CCDC200: variants seen among roughly 807,000 people sequenced by gnomAD.
CCDC200 encodes coiled-coil domain containing 200.
chr17:43,227,115 A>G (rs2057574554), intron 1 of CCDC200, among the ~76,000 whole-genome samples: 1 of 151,942 alleles, frequency 6.6e-6, no homozygotes, highest in Admixed American at 6.6e-5. Flanking sequence ...AGTAGCTGGG[A>G]TTACAGGTGC....
At chr17:43,225,115 C>T (rs1362121814) in intron 1 of CCDC200, among the ~76,000 whole-genome samples, 1 of 151,950 alleles carries the variant, frequency 6.6e-6, no homozygotes, top group Non-Finnish European at 1.5e-5. Context: ...CTCACTGCTG[C>T]CCCAACCTCC....
intron 1 of CCDC200, among the ~76,000 whole-genome samples, chr17:43,225,158 T>C (rs975529466): frequency 1.3e-5 from 2 of 151,678 alleles, no homozygotes; most frequent in African/African-American, 2.4e-5. Context: ...CTCAGCCTCC[T>C]GAGCAGCTTG....
intron 3 of CCDC200, 95 bp downstream of exon 3, chr17:43,223,459 TAC>T (rs68102743): frequency 3.7e-5 from 5 of 136,384 alleles, no homozygotes; most frequent in Non-Finnish European, 6.4e-5. Context: ...TTCTCTGGAC[TAC>T]ACACACACAC....
chr17:43,222,112 C>A (rs542743585), intron 3 of CCDC200, among the ~76,000 whole-genome samples: 3 of 151,888 alleles, frequency 2.0e-5, no homozygotes, highest in Non-Finnish European at 4.4e-5. Context: ...AGGTTGCCAT[C>A]CTGAGTTTGA....
chr17:43,230,860 C>A (rs2057593481), upstream of CCDC200, among the ~76,000 whole-genome samples: 2 of 90,664 alleles, frequency 2.2e-5, no homozygotes, highest in African/African-American at 5.7e-5. Flanking sequence ...AGGTGCCTGT[C>A]GTCCCCGCTA....
rs1411554238 is a variant in CCDC200, at chr17:43,222,777, T to G, written c.480+779A>C. ...CTAGTTTTGTTTTTTTTTTTCGTTT[T>G]TTTTTTTTTTTTAAACGAAGTCTCG... On this transcript the variant is annotated intron_variant, in intron 3 of 3. Transcript: ENST00000636331. Among the ~76,000 whole-genome samples the G allele has an allele frequency of 4.0e-5, 6 of 150,316 alleles. 1 individual carries two copies. Among genetic ancestry groups the G allele is most frequent in the African/African-American group, 1.5e-4 (6 of 40,972 alleles).
intron 2 of CCDC200, 80 bp downstream of exon 2, chr17:43,224,154 T>G (rs2154582744): frequency 6.5e-6 from 1 of 152,928 alleles, no homozygotes; most frequent in African/African-American, 2.4e-5. Context: ...TGTAAGGATT[T>G]TCTGCCCACC....
At chr17:43,225,391 G>A (rs1459441775) in intron 1 of CCDC200, among the ~76,000 whole-genome samples, 6 of 151,430 alleles carry the variant, frequency 4.0e-5, no homozygotes, top group Non-Finnish European at 8.8e-5. Flanking sequence ...TGGGCCGGAC[G>A]CGGTGGCTCA....
At chr17:43,225,870 A>G (rs1337457766) in intron 1 of CCDC200, among the ~76,000 whole-genome samples, 1 of 146,456 alleles carries the variant, frequency 6.8e-6, no homozygotes, top group African/African-American at 2.5e-5. Context: ...AGTAGCTGGG[A>G]TTATAGGCAT....
intron 2 of CCDC200, 169 bp from the exon 3 acceptor site, chr17:43,223,783 C>T (rs1219189541): frequency 2.6e-5 from 4 of 152,210 alleles, no homozygotes; most frequent in African/African-American, 9.7e-5. Flanking sequence ...AGATTCTCAA[C>T]TAGGAAGCTG....
chr17:43,227,036 C>T (rs1243573155), intron 1 of CCDC200, among the ~76,000 whole-genome samples: 7 of 151,902 alleles, frequency 4.6e-5, no homozygotes, highest in South Asian at 2.1e-4. Flanking sequence ...TGGAGTGCAA[C>T]GGCGCGATCT....
upstream of CCDC200, among the ~76,000 whole-genome samples, chr17:43,230,656 GAC>G (rs542489418): frequency 2.3e-3 from 74 of 31,922 alleles, 1 homozygote; most frequent in African/African-American, 4.5e-3. Flanking sequence ...CAGCCTGGGT[GAC>G]AGAGCAAGAC....
chr17:43,225,661 TA>T (rs1295343254), intron 1 of CCDC200, among the ~76,000 whole-genome samples: 936 of 20,160 alleles, frequency 0.046, 230 homozygotes, highest in East Asian at 0.22. Flanking sequence ...AGACTCCGTC[TA>T]AAAAAAAAAA....
At chr17:43,230,678 GAAAAAAAAAAA>G (rs1194184063), upstream of CCDC200, among the ~76,000 whole-genome samples, 8 of 6,922 alleles carry the variant, frequency 1.2e-3, 3 homozygotes, top group Admixed American at 3.0e-3. Context: ...CTTTGTCTCT[GAAAAAAAAAAA>G]AAAAAAAAAG....
chr17:43,225,978 CGCCTCG>C (rs1213476531), intron 1 of CCDC200, among the ~76,000 whole-genome samples: 1 of 151,736 alleles, frequency 6.6e-6, no homozygotes, highest in Non-Finnish European at 1.5e-5. Context: ...GTGATCCACC[CGCCTCG>C]GCCTCCCAAA....
At chr17:43,224,097 G>A (rs1465855681) in intron 2 of CCDC200, 137 bp downstream of exon 2, 1 of 152,692 alleles carries the variant, frequency 6.5e-6, no homozygotes, top group Non-Finnish European at 1.5e-5. Flanking sequence ...GGAAGCAAAG[G>A]GCTCCTCTCC....
At chr17:43,225,704 A>C (rs2057564398) in intron 1 of CCDC200, among the ~76,000 whole-genome samples, 1 of 36,292 alleles carries the variant, frequency 2.8e-5, no homozygotes. Flanking sequence ...TGCATGCTAC[A>C]TGTGTAATTT....
At chr17:43,230,959 G>A (rs1555617211), upstream of CCDC200, among the ~76,000 whole-genome samples, 1 of 67,356 alleles carries the variant, frequency 1.5e-5, no homozygotes, top group Non-Finnish European at 4.2e-5. Context: ...CAGCCTCAGC[G>A]ACAGAGTGAG....
intron 3 of CCDC200, among the ~76,000 whole-genome samples, chr17:43,222,743 C>T (rs1350052147): frequency 6.6e-6 from 1 of 150,906 alleles, no homozygotes; most frequent in Non-Finnish European, 1.5e-5. Context: ...TATGTGCCAC[C>T]ATGCCCAGCT....
Sources: allele counts gnomAD v4.1 joint callset (sites outside exome capture counted in the v4.1 genomes callset), GRCh38; gene constraint gnomAD v4.1.1; transcripts MANE v1.5; gene names NCBI Gene and HGNC (gene_info 2026-07-23, HGNC 2026-07-21).